Variants in MDH1B observed in about 807,000 individuals in gnomAD.
MDH1B encodes putative malate dehydrogenase 1B.
In MDH1B, 60 loss-of-function variants were observed where a neutral mutation model predicts 61.4. That is an observed-to-expected ratio of 0.98 (90% CI 0.79 to 1.21). The LOEUF is 1.21. Among genes scored for constraint, MDH1B ranks in the 50% most tolerant of loss-of-function variants. The probability of loss-of-function intolerance (pLI) is 0.00; values close to 1 mark genes in which losing one functional copy is unlikely to be tolerated. For synonymous variants in MDH1B, 236 were observed against 218.7 expected (o/e 1.08, Z -0.70); for missense variants, 587 against 632.1 (o/e 0.93, Z 0.76).
chr2:206,741,109 A>C lies in MDH1B; in HGVS notation c.1409-5T>G. The C allele has an allele frequency of 1.2e-6, 2 of 1,612,514 alleles. No individual in the cohort carries two copies. Among genetic ancestry groups the C allele is most frequent in the South Asian group, 2.2e-5 (2 of 91,016 alleles). ...CAGGGACCAGATCTTTATGTCCTGA[A>C]ATCAAAATTAAATAAAACATGCTGG... On this transcript the variant is annotated splice_region_variant and splice_polypyrimidine_tract_variant and intron_variant, in intron 9 of 11. Coordinates refer to ENST00000374412, the MANE Select transcript of MDH1B (RefSeq NM_001039845.3).
chr2:206,756,053 T>C (rs1395617035), intron 4 of MDH1B, among the ~76,000 whole-genome samples: 1 of 152,104 alleles, frequency 6.6e-6, no homozygotes, highest in African/African-American at 2.4e-5. Flanking sequence ...GCTGTGACTA[T>C]CAGCTGTGAA....
chr2:206,761,066 G>T, intron 1 of MDH1B, 53 bp from the exon 2 acceptor site: 2 of 920,112 alleles, frequency 2.2e-6, no homozygotes, highest in South Asian at 3.2e-5. Flanking sequence ...AAATTATTAT[G>T]TAGTTCTAAG....
intron 10 of MDH1B, among the ~76,000 whole-genome samples, chr2:206,740,118 T>C (rs1248810622): frequency 3.9e-5 from 6 of 152,240 alleles, no homozygotes; most frequent in African/African-American, 1.4e-4. Context: ...AGCACTCACA[T>C]TATATGTATA....
chr2:206,758,373 G>A (rs976576485), intron 2 of MDH1B, among the ~76,000 whole-genome samples: 1 of 152,104 alleles, frequency 6.6e-6, no homozygotes, highest in Non-Finnish European at 1.5e-5. Context: ...CAGAAGACAG[G>A]GACAACATGT....
intron 9 of MDH1B, among the ~76,000 whole-genome samples, chr2:206,743,045 G>A (rs1299707157): frequency 6.6e-6 from 1 of 151,758 alleles, no homozygotes; most frequent in African/African-American, 2.4e-5. Context: ...ACAGAAATCT[G>A]GAGAACAGGT....
Position 206,754,579 on chromosome 2 carries a change from G to A in MDH1B, c.910+430C>T, listed in dbSNP as rs188844907. On this transcript the variant is annotated intron_variant, in intron 5 of 11. Coordinates refer to ENST00000374412, the MANE Select transcript of MDH1B (RefSeq NM_001039845.3). ...ATTCTAGGAGATAGGCACTGTTAACGTCCTCATTTTACAGATGAGGAAACT... is the reference window on the plus strand; with the variant it reads ...ATTCTAGGAGATAGGCACTGTTAACATCCTCATTTTACAGATGAGGAAACT... Among the ~76,000 whole-genome samples, 104 of 152,182 alleles carry A rather than the reference G, an allele frequency of 6.8e-4. 6 individuals carry two copies. Among genetic ancestry groups the A allele is most frequent in the Admixed American group, 1.3e-4 (2 of 15,294 alleles).
chr2:206,749,868 T>C (rs1047165510), intron 6 of MDH1B, among the ~76,000 whole-genome samples: 16 of 152,210 alleles, frequency 1.1e-4, no homozygotes, highest in Non-Finnish European at 1.9e-4. Context: ...GCATTTCAGA[T>C]TTCTGATTTT....
intron 6 of MDH1B, among the ~76,000 whole-genome samples, chr2:206,750,066 AACTCGGG>A (rs998895169): frequency 5.3e-5 from 8 of 152,116 alleles, no homozygotes; most frequent in Non-Finnish European, 1.2e-4. Flanking sequence ...CAAAATAGTG[AACTCGGG>A]ACACATCATC....
chr2:206,739,675 T>C lies in MDH1B; in HGVS notation c.1460-14A>G. The C allele has an allele frequency of 6.2e-7, 1 of 1,612,856 alleles. No individual in the cohort carries two copies. Among genetic ancestry groups the C allele is most frequent in the South Asian group, 1.1e-5 (1 of 91,022 alleles). On this transcript the variant is annotated splice_polypyrimidine_tract_variant and intron_variant, in intron 10 of 11. Transcript: ENST00000374412. ...GAAACTCTGCTGCTGCAAATAGAGT[T>C]AAAAGAATAGTTTTTAGTATGTAAA...
chr2:206,740,225 T>A (rs927702270), intron 10 of MDH1B, among the ~76,000 whole-genome samples: 2 of 152,200 alleles, frequency 1.3e-5, no homozygotes, highest in African/African-American at 4.8e-5. Context: ...ACTTAACTAA[T>A]AGCCCACTGT....
intron 7 of MDH1B, 149 bp from the exon 8 acceptor site, chr2:206,746,575 G>A (rs1688124634): frequency 1.2e-6 from 1 of 858,362 alleles, no homozygotes; most frequent in Non-Finnish European, 1.7e-6. Context: ...TCTCCAAAGA[G>A]GACTGAAACA....
At chr2:206,754,945 C>G (rs1688667645) in intron 5 of MDH1B, 64 bp downstream of exon 5, 1 of 1,542,116 alleles carries the variant, frequency 6.5e-7, no homozygotes, top group Non-Finnish European at 8.8e-7. Flanking sequence ...AGTGTTCTTC[C>G]TAGCTGCTTT....
At chr2:206,745,403 T>C (rs1688048505) in intron 9 of MDH1B, 1 of 659,664 alleles carries the variant, frequency 1.5e-6, no homozygotes, top group African/African-American at 1.8e-5. Flanking sequence ...CCTACAACAT[T>C]TATAAGATCA....
intron 1 of MDH1B, among the ~76,000 whole-genome samples, chr2:206,764,165 G>A (rs1188880243): frequency 6.6e-6 from 1 of 152,070 alleles, no homozygotes; most frequent in Non-Finnish European, 1.5e-5. Context: ...GGGCATGCTG[G>A]TGTATGCCTG....
intron 2 of MDH1B, among the ~76,000 whole-genome samples, chr2:206,759,053 G>T (rs1688940925): frequency 8.5e-6 from 1 of 117,692 alleles, no homozygotes; most frequent in Non-Finnish European, 1.7e-5. Context: ...TGTCATGGGG[G>T]TTTGTTTTAC....
intron 5 of MDH1B, among the ~76,000 whole-genome samples, chr2:206,752,531 C>T (rs984420919): frequency 7.0e-6 from 1 of 142,798 alleles, no homozygotes; most frequent in Non-Finnish European, 1.5e-5. Context: ...GGTCCCTCAG[C>T]TGCAGGTTGT....
chr2:206,765,142 G>A (rs1282578058), intron 1 of MDH1B, 108 bp downstream of exon 1: 3 of 1,366,064 alleles, frequency 2.2e-6, no homozygotes, highest in African/African-American at 3.0e-5. Flanking sequence ...TAAATCTATA[G>A]CAAAGCATGG....
At chr2:206,755,656 G>A (rs758914249) in intron 4 of MDH1B, 151 bp from the exon 5 acceptor site, 51 of 1,002,068 alleles carry the variant, frequency 5.1e-5, no homozygotes, top group Non-Finnish European at 6.8e-5. Flanking sequence ...TCTAAGGCTA[G>A]AAGTCAAAAG....
chr2:206,757,872 A>C (rs1688854199), intron 2 of MDH1B, among the ~76,000 whole-genome samples: 2 of 152,212 alleles, frequency 1.3e-5, no homozygotes, highest in African/African-American at 4.8e-5. Context: ...AAAAATTTAA[A>C]TTATCATTAT....
Sources: gnomAD v4.1 joint callset for allele counts (sites outside exome capture counted in the v4.1 genomes callset) on GRCh38, gnomAD v4.1.1 for gene constraint, MANE v1.5 for transcripts, NCBI Gene and HGNC (gene_info 2026-07-23, HGNC 2026-07-21) for gene names.